The following CCDC141 variants were observed in gnomAD, a reference collection of about 807,000 sequenced individuals.
CCDC141 encodes coiled-coil domain containing 141.
Under a neutral mutation model 181.0 loss-of-function variants are expected in CCDC141, and 168 were observed. That is an observed-to-expected ratio of 0.93 (90% CI 0.82 to 1.05). The LOEUF (loss-of-function observed/expected upper bound fraction) is 1.05. Among genes scored for constraint, CCDC141 ranks in the 50% least tolerant of loss-of-function variants. The pLI is 0.00. For synonymous variants in CCDC141, 666 were observed against 642.3 expected, an observed-to-expected ratio of 1.04 and a Z score of -0.56; for missense variants, 1,902 against 1,788.5, an observed-to-expected ratio of 1.06 and a Z score of -1.14.
At chr2:178,926,894 C>T (rs1344020447) in intron 6 of CCDC141, among the ~76,000 whole-genome samples, 1 of 152,060 alleles carries the variant, frequency 6.6e-6, no homozygotes, top group African/African-American at 2.4e-5. Context: ...TCACTATGTA[C>T]CCCATAAATA....
chr2:178,970,761 T>C (rs564521262), intron 4 of CCDC141, among the ~76,000 whole-genome samples: 114 of 152,232 alleles, frequency 7.5e-4, no homozygotes, highest in African/African-American at 2.6e-3. Flanking sequence ...AAAGCCAAAA[T>C]ACACAAATGG....
intron 11 of CCDC141, among the ~76,000 whole-genome samples, chr2:178,881,915 TCA>T (rs55791403): frequency 0.19 from 17,712 of 91,010 alleles, 1,564 homozygotes; most frequent in Admixed American, 0.29. Context: ...TCTCTCTCTC[TCA>T]CACACACACA....
intron 22 of CCDC141, among the ~76,000 whole-genome samples, chr2:178,838,314 T>A (rs187978237): frequency 6.6e-6 from 1 of 152,232 alleles, no homozygotes; most frequent in East Asian, 1.9e-4. Context: ...TGCATTCACA[T>A]TGAGTGTAAC....
intron 2 of CCDC141, among the ~76,000 whole-genome samples, chr2:179,015,747 TATATATCTC>T (rs2042505260): frequency 2.3e-5 from 2 of 87,422 alleles, no homozygotes. Flanking sequence ...ATATATCTTA[TATATATCTC>T]ATATATATCA....
chr2:178,885,244 T>TAAA (rs3045637), intron 10 of CCDC141, among the ~76,000 whole-genome samples, 152 bp from the exon 11 acceptor site: 2,916 of 137,150 alleles, frequency 0.021, 96 homozygotes, highest in East Asian at 0.14. Context: ...TCCAAAATTC[T>TAAA]AAAAAAAAAA....
chr2:178,923,054 AT>A (rs948685288), intron 6 of CCDC141, among the ~76,000 whole-genome samples: 2 of 143,472 alleles, frequency 1.4e-5, no homozygotes, highest in Non-Finnish European at 3.0e-5. Flanking sequence ...TAATGTATTT[AT>A]TTCCCCAGCC....
intron 2 of CCDC141, among the ~76,000 whole-genome samples, chr2:178,991,404 T>A (rs1415162496): frequency 6.6e-6 from 1 of 151,970 alleles, no homozygotes; most frequent in Non-Finnish European, 1.5e-5. Context: ...GTTAATTTTA[T>A]GTTATATGAA....
chr2:178,905,192 A>AC (rs1558969847), intron 8 of CCDC141, 137 bp downstream of exon 8: 4 of 780,074 alleles, frequency 5.1e-6, no homozygotes, highest in Non-Finnish European at 7.9e-6. Context: ...ATCAAACTTC[A>AC]ATAGATCCTT....
Position 178,856,129 on chromosome 2 carries a change from C to A in CCDC141, c.2865+128G>T, listed in dbSNP as rs574224804. The A allele has an allele frequency of 3.3e-4, 234 of 698,836 alleles. No homozygotes were observed. In the African/African-American group the frequency reaches 3.7e-3, roughly 11 times the overall value. 43.3% of individuals were successfully genotyped at this position (698,836 alleles called of 1,614,324 possible). On this transcript the variant is annotated intron_variant, in intron 18 of 23. Coordinates refer to ENST00000443758, the MANE Select transcript of CCDC141 (RefSeq NM_173648.4). The stretch of plus-strand genomic sequence containing the variant: ...AATTGTTATAAAAATAGAAAAATAC[C>A]CTTTGAGTCCCAATGCTACAAAAAG...
chr2:178,834,488 A>C (rs760935329), intron 23 of CCDC141, 48 bp from the exon 24 acceptor site: 126 of 1,524,644 alleles, frequency 8.3e-5, no homozygotes, highest in Non-Finnish European at 1.0e-4. Flanking sequence ...GTTTATTCAC[A>C]TTATTTCCAA....
intron 4 of CCDC141, among the ~76,000 whole-genome samples, chr2:178,965,425 C>T (rs1334707546): frequency 1.3e-5 from 2 of 152,162 alleles, no homozygotes; most frequent in South Asian, 2.1e-4. Flanking sequence ...CTGAGGTACC[C>T]GGTTCATCTC....
At chr2:178,974,543 C>T (rs1180270874) in intron 4 of CCDC141, among the ~76,000 whole-genome samples, 1 of 152,096 alleles carries the variant, frequency 6.6e-6, no homozygotes, top group African/African-American at 2.4e-5. Flanking sequence ...AACTGAAAAT[C>T]TTTTTGTAGA....
chr2:178,943,127 A>G (rs573021447), intron 6 of CCDC141, among the ~76,000 whole-genome samples: 48 of 152,256 alleles, frequency 3.2e-4, no homozygotes, highest in Non-Finnish European at 6.0e-4. Flanking sequence ...GTAGCATCCT[A>G]TGCAATTCTG....
Position 178,959,689 on chromosome 2 carries a change from C to T in CCDC141, c.780+1541G>A, listed in dbSNP as rs138403744. Among the ~76,000 whole-genome samples the T allele has an allele frequency of 3.3e-3, 507 of 152,168 alleles. 5 individuals are homozygous for T. Among genetic ancestry groups the T allele is most frequent in the South Asian group, 0.024 (116 of 4,816 alleles). ...CACAACAGAAGCAGGACAGGAGAAG[C>T]GGCAGCAGTCAGGGTAAAATGATAA... On this transcript the variant is annotated intron_variant, in intron 5 of 23. Transcript: ENST00000443758.
intron 6 of CCDC141, among the ~76,000 whole-genome samples, chr2:178,936,966 AG>A (rs1397244437): frequency 6.6e-6 from 1 of 151,940 alleles, no homozygotes; most frequent in East Asian, 1.9e-4. Context: ...ACTTTGCTGA[AG>A]TTATCAGCTG....
At chr2:179,045,759 CA>C (rs2043476757) in intron 2 of CCDC141, among the ~76,000 whole-genome samples, 1 of 151,974 alleles carries the variant, frequency 6.6e-6, no homozygotes, top group South Asian at 2.1e-4. Context: ...TCTCTGATGG[CA>C]AAAAGTGGGT....
intron 11 of CCDC141, among the ~76,000 whole-genome samples, chr2:178,880,688 C>G (rs1326042713): frequency 6.6e-6 from 1 of 152,156 alleles, no homozygotes; most frequent in African/African-American, 2.4e-5. Flanking sequence ...CAGTTTCCCA[C>G]ATTTACAAAA....
chr2:178,933,524 A>C (rs2154376043), intron 6 of CCDC141, among the ~76,000 whole-genome samples: 1 of 152,256 alleles, frequency 6.6e-6, no homozygotes, highest in African/African-American at 2.4e-5. Context: ...CAAGGCTATA[A>C]GTTTCCTTTA....
chr2:179,006,653 A>C (rs1044183554), intron 2 of CCDC141, among the ~76,000 whole-genome samples: 16 of 152,308 alleles, frequency 1.1e-4, no homozygotes, highest in Admixed American at 1.0e-3. Flanking sequence ...ATTTCGTACA[A>C]GGGTTTAAAA....
Sources: allele counts gnomAD v4.1 joint callset (sites outside exome capture counted in the v4.1 genomes callset), GRCh38; gene constraint gnomAD v4.1.1; transcripts MANE v1.5; gene names NCBI Gene and HGNC (gene_info 2026-07-23, HGNC 2026-07-21).